PTAFR: variants seen among roughly 807,000 people sequenced by gnomAD.
PTAFR encodes platelet activating factor receptor.
A neutral mutation model predicts 14.7 loss-of-function variants in PTAFR; 8 were observed. The observed-to-expected ratio is 0.54, with a 90% CI of 0.32 to 0.98. PTAFR has a LOEUF of 0.98. Among genes scored for constraint, PTAFR ranks in the 50% least tolerant of loss-of-function variants. The pLI, the probability that PTAFR is intolerant of heterozygous loss-of-function variation, is 0.04. For synonymous variants in PTAFR, 156 were observed against 176.5 expected (o/e 0.88, Z 0.92); for missense variants, 337 against 451.2 (o/e 0.75, Z 2.29).
chr1:28,180,244 G>C (rs1646550987), upstream of PTAFR, among the ~76,000 whole-genome samples: 1 of 152,164 alleles, frequency 6.6e-6, no homozygotes, highest in Non-Finnish European at 1.5e-5. Context: ...GATGGACATG[G>C]TGGCTCACGC....
At chr1:28,178,646 A>C (rs1572047006), upstream of PTAFR, among the ~76,000 whole-genome samples, 1 of 148,040 alleles carries the variant, frequency 6.8e-6, no homozygotes, top group Non-Finnish European at 1.5e-5. Context: ...GCCCCCCATC[A>C]CACACAGGCA....
chr1:28,157,525 C>T (rs1646278299), intron 1 of PTAFR, among the ~76,000 whole-genome samples: 1 of 151,890 alleles, frequency 6.6e-6, no homozygotes, highest in African/African-American at 2.4e-5. Context: ...ACTGATTCTT[C>T]CTCTTGCCTC....
At chr1:28,156,215 A>T (rs1355420857) in intron 1 of PTAFR, among the ~76,000 whole-genome samples, 1 of 151,794 alleles carries the variant, frequency 6.6e-6, no homozygotes, top group East Asian at 1.9e-4. Context: ...GTCAGCCGAG[A>T]TCATGCCATT....
At chr1:28,163,232 C>T (rs2148997391) in intron 1 of PTAFR, among the ~76,000 whole-genome samples, 1 of 152,320 alleles carries the variant, frequency 6.6e-6, no homozygotes, top group South Asian at 2.1e-4. Context: ...GAGTTGCCTT[C>T]TTCTCTGGGT....
At chr1:28,154,958 A>G (rs773466800) in intron 1 of PTAFR, among the ~76,000 whole-genome samples, 5 of 152,138 alleles carry the variant, frequency 3.3e-5, no homozygotes, top group Admixed American at 2.6e-4. Flanking sequence ...AGAACTCTGC[A>G]TGGGTCCAAA....
upstream of PTAFR, among the ~76,000 whole-genome samples, chr1:28,180,388 T>C (rs753612552): frequency 6.6e-6 from 1 of 151,788 alleles, no homozygotes; most frequent in African/African-American, 2.4e-5. Flanking sequence ...TCAAAATATA[T>C]ATATATAAAA....
intron 1 of PTAFR, among the ~76,000 whole-genome samples, chr1:28,154,578 A>C (rs1169565524): frequency 6.6e-6 from 1 of 152,054 alleles, no homozygotes; most frequent in Admixed American, 6.6e-5. Flanking sequence ...TTGGGATGCC[A>C]AGGTGGGTGG....
At chr1:28,186,922 G>GTCAATCAA (rs955531779) in intron 1 of PTAFR, among the ~76,000 whole-genome samples, 1 of 151,964 alleles carries the variant, frequency 6.6e-6, no homozygotes, top group Admixed American at 6.6e-5. Context: ...GAGACTCCAT[G>GTCAATCAA]TCAATCAATC....
At chr1:28,157,162 C>G (rs1406579049) in intron 1 of PTAFR, among the ~76,000 whole-genome samples, 1 of 152,144 alleles carries the variant, frequency 6.6e-6, no homozygotes, top group Non-Finnish European at 1.5e-5. Context: ...ATTTTTGAGA[C>G]AGGGCTTGGC....
intron 1 of PTAFR, among the ~76,000 whole-genome samples, chr1:28,191,613 AG>A (rs1646653229): frequency 1.3e-5 from 2 of 151,818 alleles, no homozygotes; most frequent in African/African-American, 4.8e-5. Flanking sequence ...AGAGAGAGAG[AG>A]AGGTCTCCTA....
rs1557683885 is a variant in PTAFR at position 28,150,524 on chromosome 1, G to A, written c.498C>T (p.Gly166=). The part of the protein sequence containing the change: ...DSTNTVPDSA[G]SGNVTRCFEH... ...CAAAGCAGCGAGTGACGTTGCCTGAGCCAGCACTGTCGGGCACTGTGTTGG... is the reference window on the plus strand; with the variant it reads ...CAAAGCAGCGAGTGACGTTGCCTGAACCAGCACTGTCGGGCACTGTGTTGG... The change falls in exon 2 of 2, where the codon GGC becomes GGT. Residue 166 remains glycine (G), a synonymous_variant. Coordinates refer to ENST00000373857, the MANE Select transcript of PTAFR (RefSeq NM_000952.5). This position sits in a 1 kb window ranked among gnomAD's most constrained non-coding sequence, Gnocchi z 6.3. 2 of 1,614,248 alleles carry A rather than the reference G, an allele frequency of 1.2e-6. No homozygotes were observed. The highest frequency in any genetic ancestry group is 1.7e-6 in the Non-Finnish European group (2 of 1,180,038).
At chr1:28,174,695 T>C (rs1220970952) in intron 1 of PTAFR, among the ~76,000 whole-genome samples, 3 of 152,214 alleles carry the variant, frequency 2.0e-5, no homozygotes, top group Non-Finnish European at 4.4e-5. Flanking sequence ...GTCCTGTGCA[T>C]ATTCTAAGCA....
upstream of PTAFR, among the ~76,000 whole-genome samples, chr1:28,181,601 G>A (rs184851783): frequency 2.8e-4 from 42 of 152,130 alleles, no homozygotes; most frequent in East Asian, 7.9e-3. Context: ...AAATTGCCGG[G>A]CATAGTGGTG....
chr1:28,173,253 T>C (rs1050057590), intron 1 of PTAFR, among the ~76,000 whole-genome samples: 1 of 121,306 alleles, frequency 8.2e-6, no homozygotes, highest in African/African-American at 3.2e-5. Flanking sequence ...ATGCCACTGC[T>C]CTTCAGCCTG....
chr1:28,151,794 A>G (rs1394625644), intron 1 of PTAFR, among the ~76,000 whole-genome samples: 2 of 152,226 alleles, frequency 1.3e-5, no homozygotes, highest in Non-Finnish European at 2.9e-5. Context: ...TTGGAAGCAG[A>G]TAACCAGGCA....
At chr1:28,179,049 C>A (rs929393778), upstream of PTAFR, among the ~76,000 whole-genome samples, 2 of 152,142 alleles carry the variant, frequency 1.3e-5, no homozygotes, top group Non-Finnish European at 2.9e-5. Flanking sequence ...TTCTTGTCTC[C>A]CTTACAGGCT....
intron 1 of PTAFR, among the ~76,000 whole-genome samples, chr1:28,164,997 GTC>G (rs1459752474): frequency 1.5e-4 from 23 of 152,320 alleles, no homozygotes; most frequent in Admixed American, 3.9e-4. Context: ...GTGATTCTGA[GTC>G]TCTGTTTCCT....
intron 1 of PTAFR, among the ~76,000 whole-genome samples, chr1:28,188,399 T>C (rs887295663): frequency 6.6e-6 from 1 of 151,982 alleles, no homozygotes; most frequent in African/African-American, 2.4e-5. Flanking sequence ...TGAGCCAAGA[T>C]CTTGCCACTG....
chr1:28,169,003 A>T (rs1557692446), intron 1 of PTAFR, among the ~76,000 whole-genome samples: 1 of 152,102 alleles, frequency 6.6e-6, no homozygotes, highest in Non-Finnish European at 1.5e-5. Context: ...CGCAGGATTT[A>T]AAAAAAGAAA....
Sources: gnomAD v4.1 joint callset for allele counts (sites outside exome capture counted in the v4.1 genomes callset) on GRCh38, gnomAD v4.1.1 for gene constraint, Gnocchi (gnomAD v3.1) non-coding constraint, MANE v1.5 for transcripts, NCBI Gene and HGNC (gene_info 2026-07-23, HGNC 2026-07-21) for gene names.